Variants in SMOC2 observed in about 807,000 individuals in gnomAD.
The protein encoded by SMOC2 is SPARC-related modular calcium-binding protein 2.
SMOC2 carries 39 observed loss-of-function variants against 61.4 expected under a neutral mutation model. That is an observed-to-expected ratio of 0.64 (90% CI 0.49 to 0.83). The LOEUF is 0.83. Among genes scored for constraint, SMOC2 ranks in the 40% least tolerant of loss-of-function variants. SMOC2 has a pLI of 0.00. For missense variants in SMOC2, 556 were observed against 592.9 expected, an observed-to-expected ratio of 0.94 and a Z score of 0.65; for synonymous variants, 247 against 239.9, an observed-to-expected ratio of 1.03 and a Z score of -0.27.
At chr6:168,470,450 G>A (rs907756187) in intron 1 of SMOC2, among the ~76,000 whole-genome samples, 3 of 152,130 alleles carry the variant, frequency 2.0e-5, no homozygotes, top group Non-Finnish European at 4.4e-5. Context: ...CCGAGTCGGT[G>A]GGCTGCTTGA....
chr6:168,457,587 T>G (rs1474359294), intron 1 of SMOC2, among the ~76,000 whole-genome samples: 2 of 152,196 alleles, frequency 1.3e-5, no homozygotes, highest in Non-Finnish European at 2.9e-5. Context: ...GAGCCCCGCG[T>G]CACGTCCTTC....
At chr6:168,617,859 C>T (rs554615443) in intron 9 of SMOC2, among the ~76,000 whole-genome samples, 3 of 152,246 alleles carry the variant, frequency 2.0e-5, no homozygotes, top group Admixed American at 6.5e-5. Context: ...GACTGTATCT[C>T]GCCTGATTGC....
At chr6:168,634,642 G>T (rs114195758) in intron 9 of SMOC2, among the ~76,000 whole-genome samples, 1 of 152,184 alleles carries the variant, frequency 6.6e-6, no homozygotes, top group Non-Finnish European at 1.5e-5. Flanking sequence ...TTTTCCAAGC[G>T]CTAGGCTACA....
chr6:168,615,184 C>CACCTACAGCCAGCACAGGGCCTCTTCAT (rs1562383905), intron 9 of SMOC2, among the ~76,000 whole-genome samples: 3 of 23,164 alleles, frequency 1.3e-4, no homozygotes, highest in African/African-American at 3.4e-4. Context: ...GGCCTCTTCA[C>CACCTACAGCCAGCACAGGGCCTCTTCAT]ACCTACAGCC....
intron 8 of SMOC2, among the ~76,000 whole-genome samples, chr6:168,604,238 C>T (rs1785630069): frequency 6.6e-6 from 1 of 152,092 alleles, no homozygotes; most frequent in East Asian, 1.9e-4. Context: ...TCTTTGGAGC[C>T]AAAAATCCCT....
Position 168,441,428 on chromosome 6 carries a change from C to T in SMOC2, c.58C>T (p.Pro20Ser), listed in dbSNP as rs1241877974. The T allele has an allele frequency of 4.0e-6, 6 of 1,510,512 alleles. No individual in the cohort carries two copies. The South Asian group carries it at 6.2e-5, about 16-fold the overall frequency. 93.6% of individuals were successfully genotyped at this position (1,510,512 alleles called of 1,614,324 possible). The change falls in exon 1 of 13, where the codon CCC (proline) becomes TCC (serine). Residue 20 changes from proline (P) to serine (S), a missense_variant. Transcript: ENST00000356284. ...PLLAGLLPPV[P>S]AQKFSALTFL... ...GCTCGCTGGGCTGCTCCCGCCGGTG[C>T]CCGCTCAGAAGTTCTCGGCGCTCAC...
chr6:168,524,018 G>C (rs1783398129), intron 2 of SMOC2, among the ~76,000 whole-genome samples: 1 of 152,022 alleles, frequency 6.6e-6, no homozygotes, highest in Non-Finnish European at 1.5e-5. Flanking sequence ...TATAAAGAGG[G>C]GCATTTAATT....
intron 7 of SMOC2, among the ~76,000 whole-genome samples, chr6:168,592,139 A>G (rs1020353688): frequency 6.6e-6 from 1 of 152,312 alleles, no homozygotes; most frequent in Admixed American, 6.5e-5. Flanking sequence ...TGACTCCACC[A>G]TGATCCTTGG....
intron 7 of SMOC2, 128 bp from the exon 8 acceptor site, chr6:168,598,690 G>C (rs1444607035): frequency 9.3e-7 from 1 of 1,079,652 alleles, no homozygotes; most frequent in African/African-American, 1.6e-5. Flanking sequence ...CACGCTGGCA[G>C]GCCCTCCTGC....
chr6:168,653,257 G>T, intron 11 of SMOC2, 29 bp downstream of exon 11: 2 of 1,601,276 alleles, frequency 1.2e-6, no homozygotes, highest in Non-Finnish European at 1.7e-6. Context: ...CCGACCCTGG[G>T]CAGTGGTCAG....
intron 9 of SMOC2, among the ~76,000 whole-genome samples, chr6:168,630,110 A>C (rs1786528289): frequency 6.6e-6 from 1 of 152,128 alleles, no homozygotes; most frequent in South Asian, 2.1e-4. Context: ...TCTCCAACTC[A>C]GGGTGCCACA....
chr6:168,501,962 C>T (rs1272721114), intron 1 of SMOC2, among the ~76,000 whole-genome samples: 1 of 152,248 alleles, frequency 6.6e-6, no homozygotes, highest in East Asian at 1.9e-4. Flanking sequence ...GGCTGAGCCC[C>T]TGCCCTCTTT....
Position 168,531,908 on chromosome 6 carries a change from C to G in SMOC2, c.463+4181C>G, listed in dbSNP as rs60679510. 4.3e-3 allele frequency among the ~76,000 whole-genome samples: 648 copies of G among 152,078 alleles called. 2 individuals are homozygous for G. Among genetic ancestry groups the G allele is most frequent in the African/African-American group, 0.014 (586 of 41,472 alleles). On this transcript the variant is annotated intron_variant, in intron 4 of 12. Transcript: ENST00000356284. ...TATTTACACTTGGCTGGAAGTCGGG[C>G]GTAGGAGAATGTGGGCAGAGATGGT...
chr6:168,511,789 A>C (rs1291989381), intron 2 of SMOC2, among the ~76,000 whole-genome samples: 1 of 148,814 alleles, frequency 6.7e-6, no homozygotes, highest in East Asian at 2.0e-4. Flanking sequence ...TGCCCATGAC[A>C]AATGGCTATT....
chr6:168,645,453 C>T (rs558848228), intron 9 of SMOC2, among the ~76,000 whole-genome samples: 3 of 152,294 alleles, frequency 2.0e-5, no homozygotes, highest in South Asian at 2.1e-4. Flanking sequence ...CGAGTTAGCA[C>T]GGGACAGAGA....
chr6:168,623,329 A>ATT (rs11284179), intron 9 of SMOC2, among the ~76,000 whole-genome samples: 29,156 of 129,112 alleles, frequency 0.23, 3,719 homozygotes, highest in East Asian at 0.25. Context: ...TGGATAATTA[A>ATT]TTTTTTTTTT....
chr6:168,495,561 C>T (rs1782567929), intron 1 of SMOC2, among the ~76,000 whole-genome samples: 1 of 152,146 alleles, frequency 6.6e-6, no homozygotes, highest in African/African-American at 2.4e-5. Context: ...TGGTGGCAGC[C>T]CTGAAGTTCG....
rs527301846 is a variant in SMOC2, at chr6:168,509,966, G to T, written c.136G>T (p.Gly46Cys). 3 of 1,614,160 alleles carry T rather than the reference G, an allele frequency of 1.9e-6. No individual in the cohort carries two copies. In the Admixed American group the frequency reaches 5.0e-5, roughly 27 times the overall value. The stretch of plus-strand genomic sequence containing the variant: ...CAAGGATTGTAGCTTGGACTGTGCG[G>T]GTTCGCCCCAGAAACCTCTCTGCGC... ...KDKDCSLDCAGSPQKPLCASD... is the reference protein window; with the variant it reads ...KDKDCSLDCACSPQKPLCASD... The change falls in exon 2 of 13, where the codon GGT (glycine) becomes TGT (cysteine). Residue 46 changes from glycine (G) to cysteine (C), a missense_variant. By Grantham distance (159) the Gly-to-Cys change is radical. Coordinates refer to ENST00000356284, the MANE Select transcript of SMOC2 (RefSeq NM_001166412.2).
chr6:168,478,709 G>A (rs1782141847), intron 1 of SMOC2, among the ~76,000 whole-genome samples: 1 of 152,206 alleles, frequency 6.6e-6, no homozygotes, highest in South Asian at 2.1e-4. Context: ...TGTCTGCTCT[G>A]TCTCAGGGAA....
Sources: gnomAD v4.1 joint callset for allele counts (sites outside exome capture counted in the v4.1 genomes callset) on GRCh38, gnomAD v4.1.1 for gene constraint, MANE v1.5 for transcripts, NCBI Gene and HGNC (gene_info 2026-07-23, HGNC 2026-07-21) for gene names.